Variants in SLC22A9 observed in about 807,000 individuals in gnomAD.
SLC22A9 encodes solute carrier family 22 member 9, also known as organic anion transporter 7.
A neutral mutation model predicts 50.1 loss-of-function variants in SLC22A9; 64 were observed. The observed-to-expected ratio is 1.28, with a 90% CI of 1.04 to 1.57. SLC22A9 has a LOEUF of 1.57. SLC22A9 is among the 40% of genes most tolerant of loss of function. SLC22A9 has a pLI of 0.00. For missense variants in SLC22A9, 757 were observed against 676.1 expected (o/e 1.12, Z -1.33); for synonymous variants, 261 against 242.5 (o/e 1.08, Z -0.71).
intron 6 of SLC22A9, among the ~76,000 whole-genome samples, chr11:63,384,598 A>G (rs1403626696): frequency 6.6e-6 from 1 of 152,176 alleles, no homozygotes; most frequent in Non-Finnish European, 1.5e-5. Context: ...GCTGCAATGA[A>G]TGTACGTGTG....
Position 63,410,257 on chromosome 11 carries a change from A to AAAAAAAAGGAAAGAAAG in SLC22A9, c.*398_*399insAAAAGGAAAGAAAGAAA. The AAAAAAAAGGAAAGAAAG allele has an allele frequency of 4.6e-5, 5 of 108,488 alleles. No homozygotes were observed. The highest frequency in any genetic ancestry group is 1.1e-3 in the East Asian group (2 of 1,806). 6.7% of individuals were successfully genotyped at this position (108,488 alleles called of 1,614,324 possible). ...CTGTCTCAAAAAAAAAAAAAAAAAA[A>AAAAAAAAGGAAAGAAAG]AAAGAAAGAAGGAAAGAAAGAAAGA... On this transcript the variant is annotated 3_prime_UTR_variant, in exon 10 of 10. Transcript: ENST00000279178.
At chr11:63,383,273 G>A (rs76954704) in intron 6 of SLC22A9, among the ~76,000 whole-genome samples, 3,032 of 152,170 alleles carry the variant, frequency 0.02, 102 homozygotes, top group African/African-American at 0.067. Context: ...TTTCCCACCC[G>A]GGATGCCAAT....
chr11:63,401,054 G>A (rs1277117080), intron 6 of SLC22A9, among the ~76,000 whole-genome samples: 1 of 151,870 alleles, frequency 6.6e-6, no homozygotes, highest in East Asian at 1.9e-4. Context: ...CATAGAGAAT[G>A]GGGAAAAAAA....
At chr11:63,376,977 G>T (rs1026228013) in intron 5 of SLC22A9, among the ~76,000 whole-genome samples, 15 of 152,014 alleles carry the variant, frequency 9.9e-5, no homozygotes, top group African/African-American at 3.1e-4. Context: ...ATGATCCAGG[G>T]TTCAATTCAA....
chr11:63,375,627 G>C lies in SLC22A9; in HGVS notation c.831-18G>C. The stretch of plus-strand genomic sequence containing the variant: ...GGAAGTGAAAGTCGACTGCCCCTCT[G>C]TTCTCTTCCTTGGTCAGTTGGCTGC... On this transcript the variant is annotated intron_variant, in intron 4 of 9. Transcript: ENST00000279178. 1 of 1,609,994 alleles carries C rather than the reference G, an allele frequency of 6.2e-7. No homozygotes were observed. The highest frequency in any genetic ancestry group is 2.2e-5 in the East Asian group (1 of 44,802).
chr11:63,406,743 T>C, intron 7 of SLC22A9, 32 bp downstream of exon 7: 1 of 1,601,364 alleles, frequency 6.2e-7, no homozygotes, highest in Non-Finnish European at 8.5e-7. Context: ...AAGAGAGAAA[T>C]GCCTTTGCCT....
chr11:63,403,832 T>A (rs1274834256), intron 6 of SLC22A9, among the ~76,000 whole-genome samples: 3 of 151,860 alleles, frequency 2.0e-5, no homozygotes, highest in African/African-American at 7.3e-5. Flanking sequence ...AATCAATCAA[T>A]CAATCAATAA....
At position 63,408,822 on chromosome 11, in the gene SLC22A9, T is replaced by C. The variant is rs149660130; in HGVS notation, c.1544T>C (p.Leu515Pro). Reference protein sequence around the residue: ...FPFISGFAFLLLPETRNKPLF... With the variant: ...FPFISGFAFLPLPETRNKPLF... ...TTCATCTCTGGCTTTGCTTTCCTCC[T>C]CCTTCCTGAAACCAGGAACAAGCCT... Residue 515 changes from leucine (L) to proline (P), a missense_variant, in exon 9 of 10, where the codon CTC (leucine) becomes CCC (proline). Transcript: ENST00000279178. 6.2e-7 allele frequency: 1 copy of C among 1,613,786 alleles called. No individual in the cohort carries two copies. Among genetic ancestry groups the C allele is most frequent in the Non-Finnish European group, 8.5e-7 (1 of 1,179,900 alleles).
intron 6 of SLC22A9, among the ~76,000 whole-genome samples, chr11:63,388,109 T>C (rs2014700654): frequency 6.6e-6 from 1 of 152,152 alleles, no homozygotes; most frequent in Non-Finnish European, 1.5e-5. Context: ...TTATATCATC[T>C]GCAAACAAGA....
chr11:63,378,291 TAGAC>T (rs1380625760), intron 5 of SLC22A9, among the ~76,000 whole-genome samples: 3 of 149,764 alleles, frequency 2.0e-5, no homozygotes, highest in Non-Finnish European at 4.4e-5. Flanking sequence ...ATCAACCCAA[TAGAC>T]AGAGAAAAGG....
chr11:63,383,876 C>A (rs1407453291), intron 6 of SLC22A9, among the ~76,000 whole-genome samples: 1 of 152,040 alleles, frequency 6.6e-6, no homozygotes, highest in African/African-American at 2.4e-5. Flanking sequence ...TAGTGAAACC[C>A]TGTCTCTACT....
At chr11:63,406,408 C>A in intron 6 of SLC22A9, 89 bp from the exon 7 acceptor site, 3 of 1,169,454 alleles carry the variant, frequency 2.6e-6, no homozygotes, top group Non-Finnish European at 3.7e-6. Flanking sequence ...CTTTAACAAT[C>A]CCTAGCTGCC....
intron 6 of SLC22A9, among the ~76,000 whole-genome samples, chr11:63,386,529 A>G (rs539259018): frequency 3.0e-5 from 4 of 131,224 alleles, no homozygotes; most frequent in South Asian, 2.3e-4. Flanking sequence ...CAGGGATTCA[A>G]CTTCTTCCTG....
chr11:63,392,275 C>T (rs2014777532), intron 6 of SLC22A9, among the ~76,000 whole-genome samples: 2 of 151,900 alleles, frequency 1.3e-5, no homozygotes, highest in African/African-American at 4.8e-5. Flanking sequence ...TTATACTATT[C>T]TGTGTTTTTC....
At chr11:63,382,401 G>C (rs2014581777) in intron 6 of SLC22A9, 124 bp downstream of exon 6, 1 of 659,816 alleles carries the variant, frequency 1.5e-6, no homozygotes, top group East Asian at 2.7e-5. Flanking sequence ...AAGCCGTAAA[G>C]AGAATTGCTG....
At chr11:63,394,897 C>G (rs1469730876) in intron 6 of SLC22A9, among the ~76,000 whole-genome samples, 1 of 151,964 alleles carries the variant, frequency 6.6e-6, no homozygotes, top group Non-Finnish European at 1.5e-5. Context: ...TAATCCCAGA[C>G]TTTTTGGAGG....
chr11:63,382,119 C>T, intron 5 of SLC22A9, 40 bp from the exon 6 acceptor site: 1 of 1,527,740 alleles, frequency 6.5e-7, no homozygotes, highest in South Asian at 1.2e-5. Flanking sequence ...CTACTCTTTT[C>T]TGACAACTGT....
chr11:63,406,777 C>A, intron 7 of SLC22A9, 66 bp downstream of exon 7: 2 of 1,513,258 alleles, frequency 1.3e-6, no homozygotes, highest in South Asian at 2.5e-5. Context: ...TTGTACTTGT[C>A]ACACCTATCT....
intron 6 of SLC22A9, among the ~76,000 whole-genome samples, chr11:63,388,286 T>G (rs1235187965): frequency 6.6e-6 from 1 of 152,098 alleles, no homozygotes; most frequent in Non-Finnish European, 1.5e-5. Flanking sequence ...CCATTCTGTA[T>G]GATACCAGCT....
Sources: gnomAD v4.1 joint callset for allele counts (sites outside exome capture counted in the v4.1 genomes callset) on GRCh38, gnomAD v4.1.1 for gene constraint, MANE v1.5 for transcripts, NCBI Gene and HGNC (gene_info 2026-07-23, HGNC 2026-07-21) for gene names.